LRRC49: variants seen among roughly 807,000 people sequenced by gnomAD.
LRRC49 encodes leucine-rich repeat-containing protein 49.
Under a neutral mutation model 83.3 loss-of-function variants are expected in LRRC49, and 50 were observed. The ratio of observed to expected loss-of-function variants is 0.60; its 90% CI spans 0.48 to 0.76. LRRC49 has a LOEUF of 0.76. Among genes scored for constraint, LRRC49 ranks in the 30% least tolerant of loss-of-function variants. The pLI, the probability that LRRC49 is intolerant of heterozygous loss-of-function variation, is 0.00. For missense variants in LRRC49, 704 were observed against 809.1 expected (o/e 0.87, Z 1.58); for synonymous variants, 286 against 283.3 (o/e 1.01, Z -0.10).
intron 2 of LRRC49, among the ~76,000 whole-genome samples, chr15:70,883,955 G>A (rs368050407): frequency 9.9e-5 from 15 of 151,952 alleles, no homozygotes; most frequent in East Asian, 9.7e-4. Context: ...TGTGCCAGGC[G>A]GTGAAATTTG....
chr15:70,923,598 G>T (rs773644543), intron 7 of LRRC49, among the ~76,000 whole-genome samples: 3 of 151,646 alleles, frequency 2.0e-5, no homozygotes, highest in Admixed American at 6.6e-5. Flanking sequence ...GTTAATACCA[G>T]GCTTTTCTGG....
At chr15:71,037,559 A>G (rs1235630087) in intron 15 of LRRC49, among the ~76,000 whole-genome samples, 2 of 151,496 alleles carry the variant, frequency 1.3e-5, no homozygotes, top group African/African-American at 4.8e-5. Context: ...TTTCAGCAGA[A>G]AAAAAAAATG....
At chr15:71,038,182 A>G (rs1044364863) in intron 15 of LRRC49, among the ~76,000 whole-genome samples, 2 of 152,222 alleles carry the variant, frequency 1.3e-5, no homozygotes, top group Non-Finnish European at 2.9e-5. Context: ...CACACAGGTT[A>G]TACGATTGAT....
chr15:70,905,770 CTG>C (rs1248578271), intron 5 of LRRC49, among the ~76,000 whole-genome samples: 2 of 152,126 alleles, frequency 1.3e-5, no homozygotes, highest in Admixed American at 1.3e-4. Context: ...CTTGGTGTCT[CTG>C]TGTCTTCATT....
intron 15 of LRRC49, among the ~76,000 whole-genome samples, chr15:71,042,630 C>G (rs184433908): frequency 8.5e-5 from 13 of 152,322 alleles, no homozygotes; most frequent in Admixed American, 5.2e-4. Flanking sequence ...CTCAGTCTCT[C>G]TTCCATACAT....
intron 2 of LRRC49, chr15:70,895,646 T>A (rs934377881): frequency 4.3e-6 from 2 of 463,584 alleles, no homozygotes; most frequent in Admixed American, 4.0e-5. Flanking sequence ...CTTAAATGCC[T>A]GGAAGCCACA....
intron 7 of LRRC49, among the ~76,000 whole-genome samples, chr15:70,924,788 A>C (rs1384825572): frequency 6.6e-6 from 1 of 152,040 alleles, no homozygotes; most frequent in Non-Finnish European, 1.5e-5. Flanking sequence ...TTGTTTATCA[A>C]AAAATGAGTT....
At chr15:71,013,514 T>C (rs914746528) in intron 14 of LRRC49, among the ~76,000 whole-genome samples, 1 of 152,144 alleles carries the variant, frequency 6.6e-6, no homozygotes, top group Non-Finnish European at 1.5e-5. Flanking sequence ...AGGCAGAGCT[T>C]GAAGTAATGA....
chr15:70,867,869 G>C (rs2032945797), intron 1 of LRRC49, among the ~76,000 whole-genome samples: 1 of 152,208 alleles, frequency 6.6e-6, no homozygotes, highest in Non-Finnish European at 1.5e-5. Context: ...TCCTGCTTCT[G>C]AGAGCCATTC....
chr15:70,974,280 G>A (rs2049027386), intron 9 of LRRC49, among the ~76,000 whole-genome samples: 1 of 152,242 alleles, frequency 6.6e-6, no homozygotes, highest in African/African-American at 2.4e-5. Flanking sequence ...TGTTAGAGGA[G>A]TGCTATAGAC....
rs186876588 is a variant in LRRC49 at position 70,957,810 on chromosome 15, T to A, written c.774-5975T>A. On this transcript the variant is annotated intron_variant, in intron 8 of 15. Coordinates refer to ENST00000260382, the MANE Select transcript of LRRC49 (RefSeq NM_017691.5). ...ACTTAGTGAAAACCCTTTTGAAATG[T>A]ATCTTAATGGCCATTGGCCACCAAC... Among the ~76,000 whole-genome samples the A allele has an allele frequency of 2.8e-3, 424 of 152,340 alleles. 1 individual carries two copies. The highest frequency in any genetic ancestry group is 0.011 in the South Asian group (54 of 4,834).
intron 11 of LRRC49, among the ~76,000 whole-genome samples, chr15:70,992,790 C>G (rs748183899): frequency 6.6e-6 from 1 of 152,150 alleles, no homozygotes; most frequent in African/African-American, 2.4e-5. Context: ...TCAGTCTGCC[C>G]CTACTCGGGG....
intron 1 of LRRC49, among the ~76,000 whole-genome samples, chr15:70,854,937 C>G (rs2032614541): frequency 6.6e-6 from 1 of 152,168 alleles, no homozygotes; most frequent in Non-Finnish European, 1.5e-5. Context: ...ATTGAAATGT[C>G]AGGATGTTCT....
At chr15:70,928,197 A>G (rs746193688) in intron 7 of LRRC49, among the ~76,000 whole-genome samples, 14 of 152,168 alleles carry the variant, frequency 9.2e-5, no homozygotes, top group Non-Finnish European at 2.1e-4. Flanking sequence ...TTTAGGCTCC[A>G]CTTTTAGTTC....
chr15:70,907,649 T>A (rs2034371990), intron 5 of LRRC49, among the ~76,000 whole-genome samples: 1 of 152,194 alleles, frequency 6.6e-6, no homozygotes, highest in African/African-American at 2.4e-5. Flanking sequence ...AAGGATTTGT[T>A]TCTGACACCT....
At chr15:70,858,294 T>C (rs966415844) in intron 1 of LRRC49, among the ~76,000 whole-genome samples, 10 of 152,230 alleles carry the variant, frequency 6.6e-5, no homozygotes, top group Admixed American at 5.9e-4. Context: ...CTTTTTTTCT[T>C]TTTCTTTTTT....
At position 70,929,167 on chromosome 15, in the gene LRRC49, A is replaced by G. The variant is rs182973842; in HGVS notation, c.712-7594A>G. On this transcript the variant is annotated intron_variant, in intron 7 of 15. Transcript: ENST00000260382. ...AGTTTTTTCTTTGTAGAAGTTCTAC[A>G]TGAATTTTTTTCATAAATGCCCAGA... is the stretch of plus-strand genomic sequence containing the variant. Among the ~76,000 whole-genome samples, 49 of 152,296 alleles carry G rather than the reference A, an allele frequency of 3.2e-4. 1 individual carries two copies. The highest frequency in any genetic ancestry group is 1.1e-3 in the African/African-American group (46 of 41,562).
chr15:70,968,053 T>C (rs1567074913), intron 9 of LRRC49, among the ~76,000 whole-genome samples: 1 of 152,102 alleles, frequency 6.6e-6, no homozygotes, highest in Non-Finnish European at 1.5e-5. Context: ...GTTTGTTACA[T>C]AGGTATACAG....
chr15:70,936,584 A>C lies in LRRC49; in HGVS notation c.712-177A>C, dbSNP rs1204593798. On this transcript the variant is annotated intron_variant, in intron 7 of 15. Coordinates refer to ENST00000260382, the MANE Select transcript of LRRC49 (RefSeq NM_017691.5). ...GCAGCTTGTTCTGCGGATGTACTGA[A>C]ACCCTCCCATTTAATCTGCAGTGGA... 2.7e-5 allele frequency: 15 copies of C among 557,736 alleles called. No homozygotes were observed. The South Asian group carries it at 3.9e-4, about 15-fold the overall frequency. The allele number at this position is 557,736 out of a possible 1,614,324, so 34.5% of individuals were successfully genotyped here.
Sources: gnomAD v4.1 joint callset for allele counts (sites outside exome capture counted in the v4.1 genomes callset) on GRCh38, gnomAD v4.1.1 for gene constraint, MANE v1.5 for transcripts, NCBI Gene and HGNC (gene_info 2026-07-23, HGNC 2026-07-21) for gene names.